Variants in ADAMTSL1 observed in about 807,000 individuals in gnomAD.
ADAMTSL1 encodes the protein ADAMTS like 1.
A neutral mutation model predicts 201.8 loss-of-function variants in ADAMTSL1; 126 were observed. That is an observed-to-expected ratio of 0.62 (90% CI 0.54 to 0.72). The LOEUF (loss-of-function observed/expected upper bound fraction) is 0.72. Ranked by LOEUF, ADAMTSL1 falls within the 30% of genes least tolerant of loss-of-function variation. The probability of loss-of-function intolerance (pLI) is 0.00; values close to 1 mark genes in which losing one functional copy is unlikely to be tolerated. For missense variants in ADAMTSL1, 2,679 were observed against 2,277.8 expected, an observed-to-expected ratio of 1.18 and a Z score of -3.59; for synonymous variants, 1,121 against 903.4, an observed-to-expected ratio of 1.24 and a Z score of -4.32.
intron 1 of ADAMTSL1, among the ~76,000 whole-genome samples, chr9:18,024,435 C>T (rs1179280335): frequency 6.6e-6 from 1 of 151,916 alleles, no homozygotes; most frequent in Non-Finnish European, 1.5e-5. Context: ...TCCTCTAGTA[C>T]TCCCTAGTGT....
intron 2 of ADAMTSL1, among the ~76,000 whole-genome samples, chr9:18,210,565 G>T (rs116962622): frequency 6.7e-6 from 1 of 148,904 alleles, no homozygotes; most frequent in Non-Finnish European, 1.5e-5. Context: ...AGATGGATTT[G>T]TTAGTAGATG....
intron 2 of ADAMTSL1, among the ~76,000 whole-genome samples, chr9:18,300,706 G>C (rs1044547304): frequency 2.6e-5 from 4 of 152,104 alleles, no homozygotes; most frequent in African/African-American, 9.7e-5. Flanking sequence ...ATGAGATCTA[G>C]TGAGCAGGAA....
chr9:18,260,563 C>G (rs746862706), intron 2 of ADAMTSL1, among the ~76,000 whole-genome samples: 5 of 152,210 alleles, frequency 3.3e-5, no homozygotes, highest in African/African-American at 9.6e-5. Context: ...ATTGGCCATC[C>G]CAACCTGAGG....
At chr9:18,545,459 CT>C (rs532824739) in intron 3 of ADAMTSL1, among the ~76,000 whole-genome samples, 129 of 149,186 alleles carry the variant, frequency 8.6e-4, no homozygotes, top group African/African-American at 2.9e-3. Context: ...ACAACATATG[CT>C]TTTTTTTTTA....
intron 1 of ADAMTSL1, among the ~76,000 whole-genome samples, chr9:18,033,913 T>A (rs1821084224): frequency 6.6e-6 from 1 of 152,218 alleles, no homozygotes; most frequent in South Asian, 2.1e-4. Flanking sequence ...AACTTTTGTA[T>A]ACATTATCAC....
intron 1 of ADAMTSL1, among the ~76,000 whole-genome samples, chr9:18,159,068 C>G (rs1827275005): frequency 6.6e-6 from 1 of 152,032 alleles, no homozygotes; most frequent in Non-Finnish European, 1.5e-5. Flanking sequence ...TCAAGCATTT[C>G]AGTATCCACT....
chr9:18,762,865 T>G (rs537473411), intron 16 of ADAMTSL1, among the ~76,000 whole-genome samples: 169 of 152,348 alleles, frequency 1.1e-3, no homozygotes, highest in African/African-American at 3.8e-3. Context: ...TACTCCATTG[T>G]GTATGTGTAC....
chr9:18,846,611 A>C (rs1312525922), intron 23 of ADAMTSL1, among the ~76,000 whole-genome samples: 1 of 152,212 alleles, frequency 6.6e-6, no homozygotes, highest in South Asian at 2.1e-4. Flanking sequence ...GAGGTTGTCT[A>C]ACTTGCGTTT....
chr9:18,828,198 A>G (rs1824711326), intron 22 of ADAMTSL1, among the ~76,000 whole-genome samples: 1 of 152,200 alleles, frequency 6.6e-6, no homozygotes, highest in Admixed American at 6.5e-5. Flanking sequence ...TAGGAGAAAT[A>G]TAAGTGGTGG....
intron 2 of ADAMTSL1, among the ~76,000 whole-genome samples, chr9:18,425,028 T>A (rs1435893469): frequency 6.6e-6 from 1 of 152,178 alleles, no homozygotes; most frequent in African/African-American, 2.4e-5. Context: ...TTAAAGGAAG[T>A]CGTACAATGT....
intron 1 of ADAMTSL1, among the ~76,000 whole-genome samples, chr9:18,001,141 C>G (rs1172820924): frequency 1.3e-5 from 2 of 151,880 alleles, no homozygotes; most frequent in African/African-American, 4.8e-5. Context: ...AGTCACTATC[C>G]TGGTCTTTGA....
intron 1 of ADAMTSL1, among the ~76,000 whole-genome samples, chr9:18,152,825 A>C (rs1826977541): frequency 6.6e-6 from 1 of 152,046 alleles, no homozygotes; most frequent in African/African-American, 2.4e-5. Flanking sequence ...GTAAATCGAC[A>C]CTGTCTTAGA....
chr9:18,830,458 A>G (rs1197516477), intron 23 of ADAMTSL1, among the ~76,000 whole-genome samples: 1 of 152,214 alleles, frequency 6.6e-6, no homozygotes, highest in Admixed American at 6.5e-5. Flanking sequence ...CTTTCTGTAG[A>G]TATAGCCTAA....
chr9:17,940,087 A>G (rs1827175973), intron 1 of ADAMTSL1, among the ~76,000 whole-genome samples: 1 of 152,158 alleles, frequency 6.6e-6, no homozygotes. Context: ...TGGTAGGAGC[A>G]GTAACAAGAC....
chr9:18,146,880 A>G (rs1826668270), intron 1 of ADAMTSL1, among the ~76,000 whole-genome samples: 1 of 152,086 alleles, frequency 6.6e-6, no homozygotes, highest in Non-Finnish European at 1.5e-5. Flanking sequence ...ATTGTGTAGA[A>G]TTTTATGGTG....
chr9:18,519,103 C>T (rs1160035900), intron 2 of ADAMTSL1, among the ~76,000 whole-genome samples: 2 of 152,188 alleles, frequency 1.3e-5, no homozygotes, highest in Non-Finnish European at 2.9e-5. Flanking sequence ...TCACCTGTAC[C>T]CCCTGAGTCT....
chr9:18,528,216 G>T (rs1819216709), intron 2 of ADAMTSL1, among the ~76,000 whole-genome samples: 1 of 151,776 alleles, frequency 6.6e-6, no homozygotes, highest in South Asian at 2.1e-4. Flanking sequence ...TTTAAGTTTG[G>T]GGTTCATGTG....
At chr9:18,725,043 A>G (rs940211394) in intron 15 of ADAMTSL1, among the ~76,000 whole-genome samples, 51 of 152,084 alleles carry the variant, frequency 3.4e-4, no homozygotes, top group African/African-American at 1.2e-3. Context: ...AGTAGCTGGA[A>G]CTACAGGCGC....
At chr9:18,200,197 G>A (rs1587294080) in intron 2 of ADAMTSL1, among the ~76,000 whole-genome samples, 1 of 151,978 alleles carries the variant, frequency 6.6e-6, no homozygotes, top group South Asian at 2.1e-4. Context: ...ATTTCGGGAG[G>A]CTGAAGCTGG....
Sources: gnomAD v4.1 joint callset for allele counts (sites outside exome capture counted in the v4.1 genomes callset) on GRCh38, gnomAD v4.1.1 for gene constraint, MANE v1.5 for transcripts, NCBI Gene and HGNC (gene_info 2026-07-23, HGNC 2026-07-21) for gene names.